Variants in DOCK8 observed in about 807,000 individuals in gnomAD.
The protein encoded by DOCK8 is dedicator of cytokinesis protein 8.
Under a neutral mutation model 245.6 loss-of-function variants are expected in DOCK8, and 141 were observed. That is an observed-to-expected ratio of 0.57 (90% CI 0.50 to 0.66). The LOEUF (loss-of-function observed/expected upper bound fraction) is 0.66, where lower values mean the gene tolerates loss of function less well. Among genes scored for constraint, DOCK8 ranks in the 30% least tolerant of loss-of-function variants. The pLI is 0.00. For synonymous variants in DOCK8, 1,168 were observed against 970.2 expected, an observed-to-expected ratio of 1.20 and a Z score of -3.79; for missense variants, 2,965 against 2,603.4, an observed-to-expected ratio of 1.14 and a Z score of -3.02.
At chr9:347,755 C>G (rs2051972547) in intron 14 of DOCK8, among the ~76,000 whole-genome samples, 1 of 152,036 alleles carries the variant, frequency 6.6e-6, no homozygotes, top group South Asian at 2.1e-4. Flanking sequence ...GAACACAATC[C>G]CCACATTCCT....
At chr9:214,394 T>C, upstream of DOCK8, 1 of 879,714 alleles carries the variant, frequency 1.1e-6, no homozygotes, top group Non-Finnish European at 1.8e-6. Context: ...GGAAGGATGA[T>C]GGGCATATTG....
chr9:288,562 C>G (rs1432257940), intron 3 of DOCK8, among the ~76,000 whole-genome samples: 2 of 152,308 alleles, frequency 1.3e-5, no homozygotes, highest in South Asian at 2.1e-4. Context: ...CTATTAATAT[C>G]ATATATGCGT....
intron 26 of DOCK8, among the ~76,000 whole-genome samples, chr9:399,722 C>G (rs1300920282): frequency 6.6e-6 from 1 of 152,008 alleles, no homozygotes; most frequent in Non-Finnish European, 1.5e-5. Flanking sequence ...GATTTAATTT[C>G]ACTGAGCACA....
At chr9:399,783 T>A (rs2054656492) in intron 26 of DOCK8, among the ~76,000 whole-genome samples, 1 of 151,938 alleles carries the variant, frequency 6.6e-6, no homozygotes, top group African/African-American at 2.4e-5. Flanking sequence ...TCCCCCCAGA[T>A]TTTTAAATGG....
At chr9:304,751 G>T (rs770441994) in intron 5 of DOCK8, 47 bp downstream of exon 5, 38 of 1,613,566 alleles carry the variant, frequency 2.4e-5, no homozygotes, top group Non-Finnish European at 3.2e-5. Flanking sequence ...GGGCTCTTCT[G>T]CCCAGGGCAT....
intron 14 of DOCK8, among the ~76,000 whole-genome samples, chr9:348,747 T>G (rs576824230): frequency 2.2e-4 from 33 of 152,362 alleles, no homozygotes; most frequent in Non-Finnish European, 4.7e-4. Context: ...AAATCAGTCC[T>G]TTGAAGTGGC....
chr9:459,463 C>A (rs2057736651), intron 46 of DOCK8, among the ~76,000 whole-genome samples: 1 of 152,154 alleles, frequency 6.6e-6, no homozygotes, highest in African/African-American at 2.4e-5. Flanking sequence ...TGCTGTGTAA[C>A]AAACTACCTC....
At chr9:242,219 G>T (rs1202747239) in intron 1 of DOCK8, among the ~76,000 whole-genome samples, 7 of 152,104 alleles carry the variant, frequency 4.6e-5, no homozygotes, top group African/African-American at 1.7e-4. Flanking sequence ...TATCTGCCTA[G>T]TGGGTCCACT....
chr9:244,457 G>GAGCACACTGGAATGTGTTCTGGTGAACA (rs2047456452), intron 1 of DOCK8, among the ~76,000 whole-genome samples: 1 of 151,646 alleles, frequency 6.6e-6, no homozygotes, highest in African/African-American at 2.4e-5. Flanking sequence ...CCTTTTATAC[G>GAGCACACTGGAATGTGTTCTGGTGAACA]CACAGAGCAC....
At chr9:311,194 A>G (rs2050093116) in intron 5 of DOCK8, among the ~76,000 whole-genome samples, 1 of 151,772 alleles carries the variant, frequency 6.6e-6, no homozygotes, top group Non-Finnish European at 1.5e-5. Flanking sequence ...CCGACGCAGG[A>G]GAATTGCTTG....
At chr9:367,383 A>G (rs1429701914) in intron 14 of DOCK8, among the ~76,000 whole-genome samples, 1 of 152,252 alleles carries the variant, frequency 6.6e-6, no homozygotes, top group Non-Finnish European at 1.5e-5. Flanking sequence ...CTTACACTGT[A>G]GTGGAATCTA....
At chr9:359,533 C>G (rs1028434314) in intron 14 of DOCK8, among the ~76,000 whole-genome samples, 13 of 152,180 alleles carry the variant, frequency 8.5e-5, no homozygotes, top group African/African-American at 2.9e-4. Context: ...ATCATCTCCT[C>G]AGCTGTTTTC....
At chr9:463,271 T>C (rs952799197) in intron 46 of DOCK8, among the ~76,000 whole-genome samples, 19 of 77,916 alleles carry the variant, frequency 2.4e-4, no homozygotes, top group Non-Finnish European at 5.9e-4. Context: ...AATAATAAAA[T>C]AAGGTAAAAA....
At chr9:308,394 T>C (rs951870677) in intron 5 of DOCK8, among the ~76,000 whole-genome samples, 2 of 152,230 alleles carry the variant, frequency 1.3e-5, no homozygotes, top group Admixed American at 1.3e-4. Context: ...TTTTGAAATA[T>C]TGGAATAATA....
chr9:451,062 C>T (rs140875105), intron 45 of DOCK8, among the ~76,000 whole-genome samples: 8,110 of 152,058 alleles, frequency 0.053, 287 homozygotes, highest in South Asian at 0.18. Flanking sequence ...CCTATAATCC[C>T]AGCACTGTGG....
chr9:297,069 C>T (rs914132250), intron 4 of DOCK8, among the ~76,000 whole-genome samples: 2 of 151,932 alleles, frequency 1.3e-5, no homozygotes, highest in African/African-American at 4.8e-5. Context: ...TTCTGATGCA[C>T]CTTATGATTT....
intron 44 of DOCK8, among the ~76,000 whole-genome samples, chr9:448,954 A>G (rs1213430182): frequency 6.6e-6 from 1 of 152,228 alleles, no homozygotes; most frequent in Non-Finnish European, 1.5e-5. Flanking sequence ...CTGGAAATTC[A>G]CCCTCAGTTG....
At position 340,273 on chromosome 9, in the gene DOCK8, T is replaced by C. The variant is rs1416527227; in HGVS notation, c.1631T>C (p.Ile544Thr). Residue 544 changes from isoleucine (I) to threonine (T), a missense_variant, in exon 14 of 48, where the codon ATT (isoleucine) becomes ACT (threonine). Transcript: ENST00000432829. ...AACCGGACACGCCCGCACAAAGAGA[T>C]TTTGGAATTTCCAACACGAGAAGTA... ...PENRTRPHKE[I>T]LEFPTREVYV... The C allele has an allele frequency of 6.2e-7, 1 of 1,613,946 alleles. No individual in the cohort carries two copies. The highest frequency in any genetic ancestry group is 2.2e-5 in the East Asian group (1 of 44,894).
intron 33 of DOCK8, among the ~76,000 whole-genome samples, chr9:426,664 G>A (rs1165767344): frequency 1.3e-5 from 2 of 152,158 alleles, no homozygotes; most frequent in Non-Finnish European, 2.9e-5. Flanking sequence ...TAATAATAGT[G>A]GGGATGAGGA....
Sources: gnomAD v4.1 joint callset for allele counts (sites outside exome capture counted in the v4.1 genomes callset) on GRCh38, gnomAD v4.1.1 for gene constraint, MANE v1.5 for transcripts, NCBI Gene and HGNC (gene_info 2026-07-23, HGNC 2026-07-21) for gene names.